ARHGAP42: variants seen among roughly 807,000 people sequenced by gnomAD.
ARHGAP42 encodes rho GTPase-activating protein 42.
Under a neutral mutation model 125.0 loss-of-function variants are expected in ARHGAP42, and 63 were observed. The observed-to-expected ratio is 0.50, with a 90% CI of 0.41 to 0.62. The LOEUF (loss-of-function observed/expected upper bound fraction) is 0.62. Ranked by LOEUF, ARHGAP42 falls within the 20% of genes least tolerant of loss-of-function variation. The pLI is 0.00. For synonymous variants in ARHGAP42, 339 were observed against 351.0 expected (o/e 0.97, Z 0.38); for missense variants, 766 against 1,024.2 (o/e 0.75, Z 3.44).
chr11:100,845,730 C>T (rs667504), intron 3 of ARHGAP42, among the ~76,000 whole-genome samples: 124,452 of 152,104 alleles, frequency 0.82, 51,182 homozygotes, highest in East Asian at 0.96. Flanking sequence ...GTCTTGCCCT[C>T]GTTTTCACCT....
rs1865790574 is a variant in ARHGAP42, at chr11:100,875,143, GTGTGTGTGT to G, written c.384+15519_384+15527del. Among the ~76,000 whole-genome samples the G allele has an allele frequency of 2.1e-5, 3 of 140,668 alleles. No individual in the cohort carries two copies. The East Asian group carries it at 5.9e-4, about 27-fold the overall frequency. 92.3% of individuals were successfully genotyped at this position (140,668 alleles called of 152,430 possible). A position where few individuals can be genotyped will look rare whatever the true frequency, so the allele number is the denominator to read the frequency against. ...TGTGTGTGTGTGTGTGTGTGTGTGT[GTGTGTGTGT>G]GGCTCATGAACTATGAATGGTTGTT... On this transcript the variant is annotated intron_variant, in intron 4 of 23. Transcript: ENST00000298815.
At chr11:100,772,811 A>AT (rs1276921631) in intron 2 of ARHGAP42, among the ~76,000 whole-genome samples, 2 of 152,194 alleles carry the variant, frequency 1.3e-5, no homozygotes, top group Admixed American at 6.5e-5. Context: ...CTATACCCAC[A>AT]TATTTACGTA....
intron 2 of ARHGAP42, among the ~76,000 whole-genome samples, chr11:100,787,421 A>C (rs1305741368): frequency 6.6e-6 from 1 of 152,180 alleles, no homozygotes; most frequent in South Asian, 2.1e-4. Flanking sequence ...GAATCAGTTA[A>C]ACCTCTTTTG....
intron 3 of ARHGAP42, among the ~76,000 whole-genome samples, chr11:100,810,494 T>A (rs934653455): frequency 4.6e-5 from 7 of 152,242 alleles, no homozygotes; most frequent in Non-Finnish European, 1.0e-4. Context: ...AACCTTTGTA[T>A]CTTTCACATA....
chr11:100,970,669 A>G (rs1858217180), intron 17 of ARHGAP42, among the ~76,000 whole-genome samples: 1 of 152,022 alleles, frequency 6.6e-6, no homozygotes, highest in Admixed American at 6.6e-5. Context: ...CTTATGATTT[A>G]GCGAGAGAGT....
intron 4 of ARHGAP42, among the ~76,000 whole-genome samples, chr11:100,862,068 T>C (rs529295148): frequency 1.3e-5 from 2 of 152,296 alleles, no homozygotes; most frequent in East Asian, 1.9e-4. Flanking sequence ...GGAGAGTCTT[T>C]TCAAAATTAA....
intron 4 of ARHGAP42, among the ~76,000 whole-genome samples, chr11:100,881,266 G>C (rs1191636334): frequency 1.3e-5 from 2 of 151,952 alleles, no homozygotes; most frequent in Non-Finnish European, 2.9e-5. Flanking sequence ...CTTTACATAA[G>C]GTGAGATCCA....
chr11:100,955,745 T>C (rs1264901208), intron 12 of ARHGAP42, among the ~76,000 whole-genome samples: 1 of 152,142 alleles, frequency 6.6e-6, no homozygotes, highest in Non-Finnish European at 1.5e-5. Flanking sequence ...TGGTGCAATT[T>C]GATTTAGTAA....
intron 7 of ARHGAP42, among the ~76,000 whole-genome samples, chr11:100,934,184 T>C (rs967201554): frequency 1.3e-5 from 2 of 152,202 alleles, no homozygotes; most frequent in African/African-American, 4.8e-5. Context: ...AAATTGAATA[T>C]AAAATATGTG....
intron 6 of ARHGAP42, among the ~76,000 whole-genome samples, chr11:100,923,304 A>C (rs1867330974): frequency 6.6e-6 from 1 of 152,096 alleles, no homozygotes; most frequent in Non-Finnish European, 1.5e-5. Flanking sequence ...AGACTCCATT[A>C]ATTCTGACAG....
rs746715598 is a variant in ARHGAP42 at position 100,962,427 on chromosome 11, G to A, written c.1404G>A (p.Leu468=). The change falls in exon 16 of 24, where the codon CTG becomes CTA. Residue 468 remains leucine (L), a synonymous_variant. Transcript: ENST00000298815. ...KNYLRCLAEP[L]MTYKLHKDFI... The stretch of plus-strand genomic sequence containing the variant: ...GTTGTAGGTGCCTTGCAGAACCACT[G>A]ATGACTTACAAGTTGCACAAAGATT... The A allele has an allele frequency of 5.2e-6, 8 of 1,550,950 alleles. No individual in the cohort carries two copies. In the South Asian group the frequency reaches 5.9e-5, roughly 12 times the overall value.
intron 3 of ARHGAP42, among the ~76,000 whole-genome samples, chr11:100,855,360 T>G (rs1565243589): frequency 6.6e-6 from 1 of 152,146 alleles, no homozygotes; most frequent in Non-Finnish European, 1.5e-5. Flanking sequence ...CACTGGATTT[T>G]AATCAAAACC....
At chr11:100,844,592 A>G (rs572854153) in intron 3 of ARHGAP42, among the ~76,000 whole-genome samples, 28 of 152,154 alleles carry the variant, frequency 1.8e-4, no homozygotes, top group African/African-American at 6.5e-4. Context: ...GAACTCAAAC[A>G]AATCAACAAG....
Position 100,921,465 on chromosome 11 carries a change from A to G in ARHGAP42, c.487-29A>G, listed in dbSNP as rs544280034. 5.5e-6 allele frequency: 8 copies of G among 1,445,466 alleles called. No individual in the cohort carries two copies. In the East Asian group the frequency reaches 1.5e-4, roughly 27 times the overall value. The allele number at this position is 1,445,466 out of a possible 1,614,324, so 89.5% of individuals were successfully genotyped here. ...GAGTCCCTCTCTATGTAGAACCATC[A>G]GTAATCACCCTCTGGTTTTTCTCTT... On this transcript the variant is annotated intron_variant, in intron 5 of 23. Coordinates refer to ENST00000298815, the MANE Select transcript of ARHGAP42 (RefSeq NM_152432.4).
chr11:100,904,654 CT>C (rs1037385415), intron 4 of ARHGAP42, among the ~76,000 whole-genome samples: 2 of 151,866 alleles, frequency 1.3e-5, no homozygotes, highest in Non-Finnish European at 2.9e-5. Flanking sequence ...ACCTCCCCAC[CT>C]TTTTTTTGGA....
At chr11:100,748,911 GCTCT>G (rs772602707) in intron 1 of ARHGAP42, among the ~76,000 whole-genome samples, 3 of 151,974 alleles carry the variant, frequency 2.0e-5, no homozygotes, top group African/African-American at 7.2e-5. Context: ...TTTTACTACT[GCTCT>G]CTCTCTCTTT....
chr11:100,694,731 T>C (rs1363752416), intron 1 of ARHGAP42, among the ~76,000 whole-genome samples: 2 of 152,150 alleles, frequency 1.3e-5, no homozygotes, highest in African/African-American at 4.8e-5. Context: ...TCCTGAAAAT[T>C]AAAATCACAT....
At chr11:100,979,377 A>G (rs1354855379) in intron 22 of ARHGAP42, among the ~76,000 whole-genome samples, 1 of 152,196 alleles carries the variant, frequency 6.6e-6, no homozygotes, top group South Asian at 2.1e-4. Flanking sequence ...TTGATTTTTA[A>G]AAGTTATATA....
At chr11:100,860,398 T>C (rs763369151) in intron 4 of ARHGAP42, among the ~76,000 whole-genome samples, 3 of 152,090 alleles carry the variant, frequency 2.0e-5, no homozygotes, top group Non-Finnish European at 4.4e-5. Context: ...TTCTAACATA[T>C]TAACAAATTT....
Sources: allele counts gnomAD v4.1 joint callset (sites outside exome capture counted in the v4.1 genomes callset), GRCh38; gene constraint gnomAD v4.1.1; transcripts MANE v1.5; gene names NCBI Gene and HGNC (gene_info 2026-07-23, HGNC 2026-07-21).